CDC14A: variants seen among roughly 807,000 people sequenced by gnomAD.
CDC14A encodes the protein dual specificity protein phosphatase CDC14A.
CDC14A carries 53 observed loss-of-function variants against 74.4 expected under a neutral mutation model. That is an observed-to-expected ratio of 0.71 (90% confidence interval 0.57 to 0.89). The LOEUF (loss-of-function observed/expected upper bound fraction) is 0.89. Ranked by LOEUF, CDC14A falls within the 40% of genes least tolerant of loss-of-function variation. The pLI, the probability that CDC14A is intolerant of heterozygous loss-of-function variation, is 0.00. For synonymous variants in CDC14A, 247 were observed against 258.4 expected (o/e 0.96, Z 0.43); for missense variants, 646 against 713.7 (o/e 0.91, Z 1.08).
intron 11 of CDC14A, among the ~76,000 whole-genome samples, chr1:100,494,578 A>G (rs1457281824): frequency 6.6e-6 from 1 of 152,120 alleles, no homozygotes; most frequent in African/African-American, 2.4e-5. Context: ...AGCTCCTTGT[A>G]TATTCTACCA....
intron 4 of CDC14A, 139 bp downstream of exon 4, chr1:100,390,963 A>G (rs1341340047): frequency 1.8e-5 from 13 of 704,240 alleles, no homozygotes; most frequent in Non-Finnish European, 3.1e-5. Context: ...ATCTGTAGTG[A>G]GAAATATGGA....
intron 4 of CDC14A, among the ~76,000 whole-genome samples, chr1:100,418,859 C>T (rs760232375): frequency 1.3e-5 from 2 of 152,090 alleles, no homozygotes; most frequent in Non-Finnish European, 2.9e-5. Flanking sequence ...GTGTTTCAGG[C>T]TCCCAAACCT....
chr1:100,494,675 T>C, intron 11 of CDC14A, 143 bp from the exon 12 acceptor site: 2 of 547,424 alleles, frequency 3.7e-6, no homozygotes, highest in Non-Finnish European at 6.5e-6. Context: ...GTGTAAACTT[T>C]GACAATGCTG....
intron 1 of CDC14A, among the ~76,000 whole-genome samples, chr1:100,346,465 C>T (rs960462992): frequency 6.6e-6 from 1 of 151,950 alleles, no homozygotes; most frequent in African/African-American, 2.4e-5. Context: ...GACCCTGTCT[C>T]TACAAAAAAT....
At chr1:100,364,004 C>T (rs1379521884) in intron 2 of CDC14A, among the ~76,000 whole-genome samples, 1 of 152,010 alleles carries the variant, frequency 6.6e-6, no homozygotes, top group Non-Finnish European at 1.5e-5. Flanking sequence ...TTCCACATGG[C>T]TGTAGTCCTA....
intron 8 of CDC14A, among the ~76,000 whole-genome samples, chr1:100,461,233 G>A (rs949085573): frequency 6.6e-6 from 1 of 152,172 alleles, no homozygotes; most frequent in African/African-American, 2.4e-5. Context: ...CTCAGGTTGA[G>A]GTTTAGTGCC....
chr1:100,348,874 C>G (rs1650665290), upstream of CDC14A, among the ~76,000 whole-genome samples: 1 of 152,186 alleles, frequency 6.6e-6, no homozygotes, highest in South Asian at 2.1e-4. Flanking sequence ...AGTTTTCAAG[C>G]AATGGTTGAG....
chr1:100,505,564 A>T (rs1571358474), intron 15 of CDC14A, among the ~76,000 whole-genome samples: 1 of 152,162 alleles, frequency 6.6e-6, no homozygotes, highest in South Asian at 2.1e-4. Context: ...CTTTGGGATA[A>T]TGTTAGTGCT....
intron 1 of CDC14A, 23 bp from the exon 2 acceptor site, chr1:100,353,739 T>G: frequency 7.6e-7 from 1 of 1,315,408 alleles, no homozygotes; most frequent in Non-Finnish European, 1.1e-6. Context: ...ATGTTTTTTC[T>G]GTCTTTTAAA....
At chr1:100,450,743 C>T (rs1205789036) in intron 7 of CDC14A, among the ~76,000 whole-genome samples, 1 of 152,176 alleles carries the variant, frequency 6.6e-6, no homozygotes. Flanking sequence ...GAGACTTACC[C>T]TGACCTAAAC....
chr1:100,455,380 C>T, intron 7 of CDC14A, 25 bp from the exon 8 acceptor site: 2 of 1,492,410 alleles, frequency 1.3e-6, no homozygotes, highest in Non-Finnish European at 1.9e-6. Context: ...TATTTTTCTT[C>T]TCTTTTCTTA....
chr1:100,491,566 A>ATTTT (rs1670667031), intron 11 of CDC14A, among the ~76,000 whole-genome samples: 6 of 80,810 alleles, frequency 7.4e-5, no homozygotes, highest in African/African-American at 3.5e-4. Flanking sequence ...ATATATATAT[A>ATTTT]TATATATTTT....
At chr1:100,353,256 C>G (rs990908321) in intron 1 of CDC14A, among the ~76,000 whole-genome samples, 1 of 152,240 alleles carries the variant, frequency 6.6e-6, no homozygotes, top group Non-Finnish European at 1.5e-5. Context: ...GGCTTCTGCC[C>G]GTACTCCGGC....
chr1:100,411,869 G>A (rs1319156274), intron 4 of CDC14A, among the ~76,000 whole-genome samples: 1 of 152,182 alleles, frequency 6.6e-6, no homozygotes, highest in Non-Finnish European at 1.5e-5. Context: ...GTGATGTGCT[G>A]GTGACTGGCT....
At chr1:100,404,625 T>C (rs150574893) in intron 4 of CDC14A, among the ~76,000 whole-genome samples, 10,536 of 152,126 alleles carry the variant, frequency 0.069, 793 homozygotes, top group African/African-American at 0.18. Context: ...GGTCAGGAGA[T>C]AGAGACCATC....
chr1:100,462,706 G>T lies in CDC14A; in HGVS notation c.663G>T (p.Val221=). 1 of 1,614,070 alleles carries T rather than the reference G, an allele frequency of 6.2e-7. No individual in the cohort carries two copies. Among genetic ancestry groups the T allele is most frequent in the South Asian group, 1.1e-5 (1 of 91,052 alleles). The change falls in exon 9 of 16, where the codon GTG becomes GTT. Residue 221 remains valine, a synonymous_variant. Coordinates refer to ENST00000336454, the MANE Select transcript of CDC14A (RefSeq NM_003672.4). The stretch of plus-strand genomic sequence containing the variant: ...TTCCTTATTTCAAAAAGCATAATGT[G>T]ACTGCAGTTGTGAGGCTAAACAAAA... ...AYFPYFKKHN[V]TAVVRLNKKI...
chr1:100,493,773 T>A (rs1192878681), intron 11 of CDC14A, among the ~76,000 whole-genome samples: 2 of 152,194 alleles, frequency 1.3e-5, no homozygotes, highest in Non-Finnish European at 2.9e-5. Context: ...TATTTCTTTT[T>A]TAAACTCAGA....
chr1:100,466,153 A>G (rs1667785584), intron 9 of CDC14A, among the ~76,000 whole-genome samples: 1 of 152,168 alleles, frequency 6.6e-6, no homozygotes, highest in Admixed American at 6.5e-5. Flanking sequence ...GAGTGTGAAC[A>G]GGAGCCTAAG....
intron 4 of CDC14A, among the ~76,000 whole-genome samples, chr1:100,405,137 C>A (rs1659778353): frequency 6.6e-6 from 1 of 152,172 alleles, no homozygotes; most frequent in African/African-American, 2.4e-5. Context: ...CTCTGATAAA[C>A]CTTTCCTGAT....
Sources: gnomAD v4.1 joint callset for allele counts (sites outside exome capture counted in the v4.1 genomes callset) on GRCh38, gnomAD v4.1.1 for gene constraint, MANE v1.5 for transcripts, NCBI Gene and HGNC (gene_info 2026-07-23, HGNC 2026-07-21) for gene names.